Variants in ANK2 observed in about 807,000 individuals in gnomAD.
ANK2 encodes ankyrin-2.
In ANK2, 83 loss-of-function variants were observed where a neutral mutation model predicts 360.5. That is an observed-to-expected ratio of 0.23 (90% CI 0.19 to 0.28). ANK2 has a LOEUF of 0.28. Among genes scored for constraint, ANK2 ranks in the 10% least tolerant of loss-of-function variants. The probability of loss-of-function intolerance (pLI) is 1.00; values close to 1 mark genes in which losing one functional copy is unlikely to be tolerated. For synonymous variants in ANK2, 1,740 were observed against 1,759.5 expected, an observed-to-expected ratio of 0.99 and a Z score of 0.28; for missense variants, 4,201 against 4,795.7, an observed-to-expected ratio of 0.88 and a Z score of 3.66.
intron 31 of ANK2, among the ~76,000 whole-genome samples, chr4:113,338,099 T>A (rs1379033152): frequency 6.6e-6 from 1 of 152,198 alleles, no homozygotes; most frequent in African/African-American, 2.4e-5. Context: ...TACCTAGATA[T>A]TTGAGTCTTT....
intron 14 of ANK2, among the ~76,000 whole-genome samples, chr4:113,266,754 A>G (rs753903406): frequency 6.6e-6 from 1 of 152,174 alleles, no homozygotes. Flanking sequence ...GCACATGCCT[A>G]TAATCCCAGC....
At chr4:113,332,199 C>T (rs1164466816) in intron 28 of ANK2, 129 bp downstream of exon 28, 1 of 870,284 alleles carries the variant, frequency 1.1e-6, no homozygotes, top group East Asian at 2.6e-5. Context: ...TTCTGTATAA[C>T]CTATCTTTAG....
Position 113,358,391 on chromosome 4 carries a change from T to C in ANK2, c.9773T>C (p.Phe3258Ser), listed in dbSNP as rs1226847980. The change falls in exon 38 of 46, where the codon TTT becomes TCT. Residue 3258 changes from phenylalanine (F) to serine (S), a missense_variant. Phe to Ser is a radical substitution (Grantham distance 155). This residue lies in a region of ANK2 where 2,642 missense variants were observed against 2,714.5 expected (regional missense o/e 0.97). Coordinates refer to ENST00000357077, the MANE Select transcript of ANK2 (RefSeq NM_001148.6). Reference sequence around the variant, plus strand: ...CCAGCTGTACAAGTCCAGTTAGATTTTTCCACACTCACCAGGTCTGTTTAT... The same window carrying C: ...CCAGCTGTACAAGTCCAGTTAGATTCTTCCACACTCACCAGGTCTGTTTAT... ...SEPAVQVQLD[F>S]STLTRSVYSD... is the part of the protein sequence containing the mutation. The C allele has an allele frequency of 6.2e-7, 1 of 1,614,064 alleles. No individual in the cohort carries two copies. Among genetic ancestry groups the C allele is most frequent in the South Asian group, 1.1e-5 (1 of 91,078 alleles).
the ANK2 span, among the ~76,000 whole-genome samples, chr4:112,811,729 T>C: frequency 6.6e-6 from 1 of 152,214 alleles, no homozygotes; most frequent in Non-Finnish European, 1.5e-5. Context: ...GTTAGTGTTT[T>C]TGCTTTCATT....
intron 2 of ANK2, among the ~76,000 whole-genome samples, chr4:112,918,454 C>A (rs1238527806): frequency 6.6e-6 from 1 of 152,166 alleles, no homozygotes; most frequent in Non-Finnish European, 1.5e-5. Flanking sequence ...CCCACTCTCA[C>A]TCTGAAAGTA....
chr4:113,343,225 G>C (rs988878656), intron 34 of ANK2, 83 bp downstream of exon 34: 1 of 1,476,080 alleles, frequency 6.8e-7, no homozygotes, highest in Non-Finnish European at 9.3e-7. Flanking sequence ...GAAAATTTTC[G>C]CTTTTCAGTC....
intron 1 of ANK2, among the ~76,000 whole-genome samples, chr4:113,105,245 C>T (rs999363651): frequency 6.6e-6 from 1 of 151,872 alleles, no homozygotes; most frequent in Non-Finnish European, 1.5e-5. Context: ...TTATCTGAAC[C>T]GAGATGCAAA....
At chr4:112,772,109 A>C in the ANK2 span, among the ~76,000 whole-genome samples, 1 of 152,026 alleles carries the variant, frequency 6.6e-6, no homozygotes, top group Non-Finnish European at 1.5e-5. Context: ...ATATTAGTCC[A>C]TTTTCACGCT....
At position 113,359,307 on chromosome 4, in the gene ANK2, C is replaced by G; in HGVS notation, c.10681+8C>G. Reference sequence around the variant, plus strand: ...GCCATGACCATGCTGAAGGTATTTGCCAGCCACCGGGATTCCCTGTGCTAC... The same window carrying G: ...GCCATGACCATGCTGAAGGTATTTGGCAGCCACCGGGATTCCCTGTGCTAC... On this transcript the variant is annotated splice_region_variant and intron_variant, in intron 38 of 45. Transcript: ENST00000357077. The G allele has an allele frequency of 6.2e-7, 1 of 1,613,234 alleles. No homozygotes were observed. The highest frequency in any genetic ancestry group is 8.5e-7 in the Non-Finnish European group (1 of 1,179,808).
rs181938186 is a variant in ANK2, at chr4:113,118,801, G to T, written c.85-55615G>T. Reference sequence around the variant, plus strand: ...TCTAAATGGAACATTATTGTATAAAGAATTTTCTGTGATTATATCTTTTTT... The same window carrying T: ...TCTAAATGGAACATTATTGTATAAATAATTTTCTGTGATTATATCTTTTTT... On this transcript the variant is annotated intron_variant, in intron 1 of 45. Coordinates refer to ENST00000357077, the MANE Select transcript of ANK2 (RefSeq NM_001148.6). 2.0e-5 allele frequency among the ~76,000 whole-genome samples: 3 copies of T among 152,244 alleles called. No individual in the cohort carries two copies. In the East Asian group the frequency reaches 5.8e-4, roughly 29 times the overall value.
At chr4:113,251,183 T>G (rs975803073) in intron 10 of ANK2, among the ~76,000 whole-genome samples, 4 of 152,162 alleles carry the variant, frequency 2.6e-5, no homozygotes, top group African/African-American at 4.8e-5. Context: ...AATATGAAGT[T>G]GAAAATAGGC....
chr4:113,332,898 G>A, intron 28 of ANK2, 156 bp from the exon 29 acceptor site: 1 of 1,011,172 alleles, frequency 9.9e-7, no homozygotes, highest in South Asian at 1.4e-5. Context: ...GCTACTGTGT[G>A]ACCATCTGCT....
intron 2 of ANK2, among the ~76,000 whole-genome samples, chr4:112,964,735 A>T (rs1582089587): frequency 6.6e-6 from 1 of 151,850 alleles, no homozygotes; most frequent in African/African-American, 2.4e-5. Flanking sequence ...ACGCCTGGCT[A>T]ATTTTTTGTA....
chr4:113,165,953 T>G (rs1241681430), intron 1 of ANK2, among the ~76,000 whole-genome samples: 1 of 152,178 alleles, frequency 6.6e-6, no homozygotes, highest in African/African-American at 2.4e-5. Flanking sequence ...TTTGGAAATG[T>G]TGTGATACAA....
chr4:112,962,460 T>A (rs1195953709), intron 2 of ANK2, among the ~76,000 whole-genome samples: 1 of 152,176 alleles, frequency 6.6e-6, no homozygotes, highest in East Asian at 1.9e-4. Flanking sequence ...GCCACCTAGG[T>A]TGACTCCATA....
At chr4:113,170,779 T>C (rs1166679654) in intron 1 of ANK2, among the ~76,000 whole-genome samples, 1 of 152,212 alleles carries the variant, frequency 6.6e-6, no homozygotes, top group Non-Finnish European at 1.5e-5. Context: ...CAAGACAACA[T>C]ACAGAACTGT....
chr4:112,848,249 T>C (rs1027960057), intron 1 of ANK2, among the ~76,000 whole-genome samples: 1 of 152,166 alleles, frequency 6.6e-6, no homozygotes, highest in Non-Finnish European at 1.5e-5. Flanking sequence ...AGCTTCCACC[T>C]CCTGGGTTCA....
In ANK2 at chr4:113,049,742, A is replaced by G. The variant is rs1433952417; in HGVS notation, c.14A>G (p.Asp5Gly). MMNE[D>G]AAQKSDSGEK... is the part of the protein sequence containing the mutation. The stretch of plus-strand genomic sequence containing the variant: ...AAACTGTTCAAAATGATGAACGAAG[A>G]TGCAGCTCAGAAAAGCGACAGTGGA... The change falls in exon 1 of 46, where the codon GAT becomes GGT. Residue 5 changes from aspartate to glycine, a missense_variant. By Grantham distance (94) the Asp-to-Gly change is moderately conservative (BLOSUM62 -1). Coordinates refer to ENST00000357077, the MANE Select transcript of ANK2 (RefSeq NM_001148.6). The G allele has an allele frequency of 6.3e-7, 1 of 1,596,906 alleles. No individual in the cohort carries two copies. The highest frequency in any genetic ancestry group is 8.5e-7 in the Non-Finnish European group (1 of 1,169,816).
At chr4:113,128,168 G>T (rs957394674) in intron 1 of ANK2, among the ~76,000 whole-genome samples, 11 of 152,148 alleles carry the variant, frequency 7.2e-5, no homozygotes, top group Non-Finnish European at 1.3e-4. Flanking sequence ...TTTGGGTATA[G>T]TAGGAAGAGA....
Sources: gnomAD v4.1 joint callset for allele counts (sites outside exome capture counted in the v4.1 genomes callset) on GRCh38, gnomAD v4.1.1 for gene constraint, gnomAD v4.1.1 regional missense constraint, MANE v1.5 for transcripts, NCBI Gene and HGNC (gene_info 2026-07-23, HGNC 2026-07-21) for gene names.